PID1: variants seen among roughly 807,000 people sequenced by gnomAD.
PID1 encodes the protein PTB-containing, cubilin and LRP1-interacting protein.
In PID1, 10 loss-of-function variants were observed where a neutral mutation model predicts 19.1. The ratio of observed to expected loss-of-function variants is 0.52; its 90% CI spans 0.32 to 0.89. The LOEUF (loss-of-function observed/expected upper bound fraction) is 0.89. Ranked by LOEUF, PID1 falls within the 40% of genes least tolerant of loss-of-function variation. The pLI, the probability that PID1 is intolerant of heterozygous loss-of-function variation, is 0.03. For synonymous variants in PID1, 130 were observed against 116.0 expected (o/e 1.12, Z -0.78); for missense variants, 248 against 285.3 (o/e 0.87, Z 0.94).
chr2:229,164,295 C>G (rs1177841315), intron 1 of PID1, among the ~76,000 whole-genome samples: 1 of 152,052 alleles, frequency 6.6e-6, no homozygotes, highest in African/African-American at 2.4e-5. Context: ...AAAAATTTCA[C>G]CTACTCATGA....
intron 2 of PID1, among the ~76,000 whole-genome samples, chr2:229,074,710 T>C (rs1694523380): frequency 6.6e-6 from 1 of 152,144 alleles, no homozygotes; most frequent in African/African-American, 2.4e-5. Flanking sequence ...GTCTCAAATA[T>C]CAAATAGATT....
Position 229,139,126 on chromosome 2 carries a change from A to C in PID1, c.177+16692T>G, listed in dbSNP as rs187220636. ...AAGAAAGAAAGAAAGAGAAAGAAAG[A>C]AAGAAAGAAAGAAAGAAAGAAAGCA... On this transcript the variant is annotated intron_variant, in intron 2 of 2. Coordinates refer to ENST00000392055, the MANE Select transcript of PID1 (RefSeq NM_001100818.2). 7.1e-3 allele frequency among the ~76,000 whole-genome samples: 802 copies of C among 113,220 alleles called. 18 individuals carry two copies. Among genetic ancestry groups the C allele is most frequent in the East Asian group, 0.027 (82 of 3,082 alleles). 74.3% of individuals were successfully genotyped at this position (113,220 alleles called of 152,430 possible). A position where few individuals can be genotyped will look rare whatever the true frequency, so the allele number is the denominator to read the frequency against.
chr2:229,221,920 C>T (rs1284283403), intron 1 of PID1, among the ~76,000 whole-genome samples: 2 of 152,198 alleles, frequency 1.3e-5, no homozygotes, highest in East Asian at 3.9e-4. Context: ...GGGGATCCCC[C>T]CTCTGACATT....
intron 1 of PID1, 140 bp downstream of exon 1, chr2:229,270,874 G>T (rs1285064298): frequency 7.4e-6 from 5 of 673,676 alleles, no homozygotes; most frequent in Non-Finnish European, 1.2e-5. Flanking sequence ...TGGGTAAACC[G>T]ACAGCATCAT....
intron 1 of PID1, among the ~76,000 whole-genome samples, chr2:229,249,527 G>A (rs1044366742): frequency 3.9e-5 from 6 of 152,184 alleles, no homozygotes; most frequent in Admixed American, 6.5e-5. Context: ...ATTATTCCAT[G>A]TGCAATGGGG....
intron 2 of PID1, among the ~76,000 whole-genome samples, chr2:229,151,872 T>A (rs1488542332): frequency 6.6e-6 from 1 of 151,818 alleles, no homozygotes; most frequent in Non-Finnish European, 1.5e-5. Context: ...GCCCAGCTAT[T>A]TTTTTTTATT....
At chr2:229,244,941 G>A (rs1447777327) in intron 1 of PID1, 1 of 152,092 alleles carries the variant, frequency 6.6e-6, no homozygotes, top group African/African-American at 2.4e-5. Flanking sequence ...CCATCCTGGA[G>A]AACTTCAAAA....
At position 229,061,873 on chromosome 2, in the gene PID1, A is replaced by G. The variant is rs906963510; in HGVS notation, c.178-35765T>C. Reference sequence around the variant, plus strand: ...TTGACACATATTGTGACTAGGATTGATTTCTTAATTTCTTTTTCAGACAGC... The same window carrying G: ...TTGACACATATTGTGACTAGGATTGGTTTCTTAATTTCTTTTTCAGACAGC... On this transcript the variant is annotated intron_variant, in intron 2 of 2. Transcript: ENST00000392055. Among the ~76,000 whole-genome samples, 7 of 151,988 alleles carry G rather than the reference A, an allele frequency of 4.6e-5. No individual in the cohort carries two copies. The South Asian group carries it at 6.2e-4, about 14-fold the overall frequency.
At chr2:229,059,733 C>T (rs1412528240) in intron 2 of PID1, among the ~76,000 whole-genome samples, 1 of 152,076 alleles carries the variant, frequency 6.6e-6, no homozygotes, top group South Asian at 2.1e-4. Flanking sequence ...TTTGATAAAC[C>T]AATTGCAAAA....
chr2:229,101,547 T>G (rs1009965465), intron 2 of PID1, among the ~76,000 whole-genome samples: 1 of 152,208 alleles, frequency 6.6e-6, no homozygotes, highest in Non-Finnish European at 1.5e-5. Flanking sequence ...GGCCAAATGC[T>G]ATGCAAAATG....
intron 2 of PID1, among the ~76,000 whole-genome samples, chr2:229,129,649 G>A (rs923015466): frequency 6.6e-6 from 1 of 152,274 alleles, no homozygotes; most frequent in African/African-American, 2.4e-5. Context: ...CAGAAGAGTA[G>A]TTATGCACAA....
At chr2:229,229,649 T>C (rs1056729321) in intron 1 of PID1, among the ~76,000 whole-genome samples, 1 of 152,180 alleles carries the variant, frequency 6.6e-6, no homozygotes, top group Non-Finnish European at 1.5e-5. Context: ...AAAATAAAAA[T>C]AAAGCAATGT....
chr2:229,159,078 T>C (rs1191143751), intron 1 of PID1, among the ~76,000 whole-genome samples: 1 of 152,142 alleles, frequency 6.6e-6, no homozygotes, highest in African/African-American at 2.4e-5. Flanking sequence ...TTAAAATTAA[T>C]TAAAAGAGTG....
chr2:229,036,255 G>T (rs1693660583), intron 2 of PID1, among the ~76,000 whole-genome samples: 1 of 152,182 alleles, frequency 6.6e-6, no homozygotes, highest in Non-Finnish European at 1.5e-5. Context: ...GCTCAGAGCA[G>T]GCCTGGGCAT....
At chr2:229,210,121 A>G (rs17254849) in intron 1 of PID1, among the ~76,000 whole-genome samples, 66,487 of 150,732 alleles carry the variant, frequency 0.44, 16,000 homozygotes, top group East Asian at 0.76. Context: ...TTAGTATCAG[A>G]CAGCGACTAC....
At chr2:229,098,935 T>A (rs907295096) in intron 2 of PID1, among the ~76,000 whole-genome samples, 5 of 152,216 alleles carry the variant, frequency 3.3e-5, no homozygotes, top group African/African-American at 1.2e-4. Context: ...TTGGCTTTCT[T>A]CTCTACCACG....
intron 1 of PID1, 37 bp downstream of exon 1, chr2:229,270,977 C>T (rs1170841874): frequency 3.5e-6 from 5 of 1,448,328 alleles, no homozygotes; most frequent in Non-Finnish European, 4.5e-6. Context: ...GGCACCTCCT[C>T]CTCCAGGCTG....
intron 1 of PID1, among the ~76,000 whole-genome samples, chr2:229,261,640 C>T (rs1412716424): frequency 6.6e-6 from 1 of 152,180 alleles, no homozygotes; most frequent in Non-Finnish European, 1.5e-5. Flanking sequence ...AGCTCCTTTC[C>T]CCTGGTAACT....
chr2:229,033,352 AG>A (rs1693594943), intron 2 of PID1, among the ~76,000 whole-genome samples: 1 of 152,242 alleles, frequency 6.6e-6, no homozygotes, highest in African/African-American at 2.4e-5. Flanking sequence ...GGGCTTCTCA[AG>A]AATGACAAGC....
Sources: gnomAD v4.1 joint callset for allele counts (sites outside exome capture counted in the v4.1 genomes callset) on GRCh38, gnomAD v4.1.1 for gene constraint, MANE v1.5 for transcripts, NCBI Gene and HGNC (gene_info 2026-07-23, HGNC 2026-07-21) for gene names.